Variants in GPM6A observed in about 807,000 individuals in gnomAD.
GPM6A encodes glycoprotein M6A.
In GPM6A, 7 loss-of-function variants were observed where a neutral mutation model predicts 32.1. That is an observed-to-expected ratio of 0.22 (90% CI 0.12 to 0.41). GPM6A has a LOEUF of 0.41. Among genes scored for constraint, GPM6A ranks in the 10% least tolerant of loss-of-function variants. The probability of loss-of-function intolerance (pLI) is 1.00; values close to 1 mark genes in which losing one functional copy is unlikely to be tolerated. For missense variants in GPM6A, 235 were observed against 347.2 expected (o/e 0.68, Z 2.57); for synonymous variants, 130 against 123.4 (o/e 1.05, Z -0.35).
chr4:175,687,004 A>G lies in GPM6A; in HGVS notation c.231-13168T>C, dbSNP rs536376519. Among the ~76,000 whole-genome samples the G allele has an allele frequency of 1.6e-4, 25 of 152,330 alleles. 1 individual carries two copies. The highest frequency in any genetic ancestry group is 5.8e-4 in the African/African-American group (24 of 41,576). On this transcript the variant is annotated intron_variant, in intron 2 of 6. Transcript: ENST00000393658. ...AACCAAACATTCCTGAGTAAAAATG[A>G]GTAGCTTTTCTAGTCTAGTGTATAG...
At chr4:175,910,848 C>CTA (rs1738291754) in intron 1 of GPM6A, among the ~76,000 whole-genome samples, 1 of 152,308 alleles carries the variant, frequency 6.6e-6, no homozygotes, top group African/African-American at 2.4e-5. Context: ...AGCAACTACT[C>CTA]TACTCCTATA....
At chr4:175,998,481 CA>C (rs1159342852) in intron 1 of GPM6A, among the ~76,000 whole-genome samples, 1 of 152,182 alleles carries the variant, frequency 6.6e-6, no homozygotes, top group African/African-American at 2.4e-5. Flanking sequence ...AATAACATTT[CA>C]AATATGAAAT....
At chr4:175,783,842 T>G (rs1275560074) in intron 1 of GPM6A, among the ~76,000 whole-genome samples, 1 of 152,044 alleles carries the variant, frequency 6.6e-6, no homozygotes, top group African/African-American at 2.4e-5. Context: ...TTTATGAGAA[T>G]CATTCTATTT....
intron 1 of GPM6A, among the ~76,000 whole-genome samples, chr4:175,938,501 C>T (rs1218185796): frequency 6.6e-6 from 1 of 152,052 alleles, no homozygotes; most frequent in Non-Finnish European, 1.5e-5. Flanking sequence ...CTCTAATGAC[C>T]AGTGATGATG....
At chr4:175,690,673 G>A (rs1218995980) in intron 2 of GPM6A, among the ~76,000 whole-genome samples, 21 of 152,212 alleles carry the variant, frequency 1.4e-4, no homozygotes. Flanking sequence ...CTCTGGTCAA[G>A]TGGCTCTCTG....
In GPM6A at chr4:175,855,240, A is replaced by G. The variant is rs1736382049; in HGVS notation, c.-22-42991T>C. 3.3e-5 allele frequency among the ~76,000 whole-genome samples: 5 copies of G among 152,352 alleles called. No homozygotes were observed. The South Asian group carries it at 1.0e-3, about 32-fold the overall frequency. On this transcript the variant is annotated intron_variant, in intron 1 of 7. Transcript: ENST00000280187. ...GAAAATAATCTCTCCAAACAGAACCAGATCTCAACTAAATATGATAGTTAG... is the reference window on the plus strand; with the variant it reads ...GAAAATAATCTCTCCAAACAGAACCGGATCTCAACTAAATATGATAGTTAG...
chr4:175,865,200 A>G (rs532978964), intron 1 of GPM6A, among the ~76,000 whole-genome samples: 7 of 152,326 alleles, frequency 4.6e-5, no homozygotes, highest in Admixed American at 2.6e-4. Context: ...AAAGATGATC[A>G]TTTCACTATT....
chr4:175,858,163 T>C (rs533050306), intron 1 of GPM6A, among the ~76,000 whole-genome samples: 1 of 152,266 alleles, frequency 6.6e-6, no homozygotes, highest in Admixed American at 6.5e-5. Flanking sequence ...AGCATATAAA[T>C]AGAGCTCAAC....
At chr4:175,876,838 C>T (rs753543952) in intron 1 of GPM6A, among the ~76,000 whole-genome samples, 2 of 152,048 alleles carry the variant, frequency 1.3e-5, no homozygotes, top group African/African-American at 2.4e-5. Context: ...AGTATTTGTC[C>T]CTCATCTGGT....
At chr4:175,930,860 T>C (rs1318774912) in intron 1 of GPM6A, among the ~76,000 whole-genome samples, 3 of 152,236 alleles carry the variant, frequency 2.0e-5, no homozygotes, top group Non-Finnish European at 4.4e-5. Flanking sequence ...TAAATAACTA[T>C]GTGGCACTAT....
intron 1 of GPM6A, among the ~76,000 whole-genome samples, chr4:175,924,165 C>G (rs1738758121): frequency 6.6e-6 from 1 of 152,180 alleles, no homozygotes. Context: ...ACAATTAGAG[C>G]TCTCATTTTA....
intron 1 of GPM6A, among the ~76,000 whole-genome samples, chr4:175,908,113 T>C (rs753027702): frequency 6.6e-6 from 1 of 152,202 alleles, no homozygotes; most frequent in Non-Finnish European, 1.5e-5. Flanking sequence ...TTGGCCATAG[T>C]TATCATGTTA....
At chr4:175,684,767 A>T (rs911471104) in intron 2 of GPM6A, among the ~76,000 whole-genome samples, 12 of 152,168 alleles carry the variant, frequency 7.9e-5, no homozygotes, top group African/African-American at 2.9e-4. Context: ...CACTGTTTTA[A>T]TCAGAGGGGC....
chr4:175,856,642 C>T (rs146782283), intron 1 of GPM6A, among the ~76,000 whole-genome samples: 5 of 152,168 alleles, frequency 3.3e-5, no homozygotes, highest in South Asian at 2.1e-4. Context: ...GTTACATGAA[C>T]GGATTGAAGG....
At chr4:175,998,299 G>T (rs1004936892) in intron 1 of GPM6A, among the ~76,000 whole-genome samples, 1 of 151,950 alleles carries the variant, frequency 6.6e-6, no homozygotes, top group Non-Finnish European at 1.5e-5. Flanking sequence ...GATTACAGGC[G>T]TGTGCCACCA....
intron 1 of GPM6A, among the ~76,000 whole-genome samples, chr4:175,915,450 C>CT (rs1454998388): frequency 1.3e-5 from 2 of 151,984 alleles, no homozygotes; most frequent in Non-Finnish European, 2.9e-5. Flanking sequence ...GCACATGCGG[C>CT]TAATTTTTGT....
intron 3 of GPM6A, among the ~76,000 whole-genome samples, chr4:175,672,439 T>G (rs188416918): frequency 3.1e-4 from 47 of 152,304 alleles, no homozygotes; most frequent in Admixed American, 3.1e-3. Context: ...TATAACTCAA[T>G]TCACTATACT....
At chr4:175,928,184 A>G (rs1738909959) in intron 1 of GPM6A, among the ~76,000 whole-genome samples, 1 of 152,194 alleles carries the variant, frequency 6.6e-6, no homozygotes, top group Non-Finnish European at 1.5e-5. Flanking sequence ...TCTTTTATGA[A>G]TCCTGAAGGC....
intron 1 of GPM6A, among the ~76,000 whole-genome samples, chr4:175,887,809 G>A (rs750587517): frequency 2.0e-5 from 3 of 151,786 alleles, no homozygotes; most frequent in Non-Finnish European, 4.4e-5. Flanking sequence ...GAAATAGCAA[G>A]CCTGAACTGC....
Sources: allele counts gnomAD v4.1 joint callset (sites outside exome capture counted in the v4.1 genomes callset), GRCh38; gene constraint gnomAD v4.1.1; transcripts MANE v1.5; gene names NCBI Gene and HGNC (gene_info 2026-07-23, HGNC 2026-07-21).